Variants in HACD4 observed in about 807,000 individuals in gnomAD.
HACD4 encodes very-long-chain (3R)-3-hydroxyacyl-CoA dehydratase 4.
Under a neutral mutation model 33.3 loss-of-function variants are expected in HACD4, and 35 were observed. The ratio of observed to expected loss-of-function variants is 1.05; its 90% confidence interval spans 0.80 to 1.39. The LOEUF (loss-of-function observed/expected upper bound fraction) is 1.39. Among genes scored for constraint, HACD4 ranks in the 40% most tolerant of loss-of-function variants. The pLI is 0.00. For synonymous variants in HACD4, 118 were observed against 98.0 expected (o/e 1.20, Z -1.21); for missense variants, 323 against 276.5 (o/e 1.17, Z -1.19).
At chr9:21,021,955 C>T (rs1817925466) in intron 3 of HACD4, among the ~76,000 whole-genome samples, 1 of 152,150 alleles carries the variant, frequency 6.6e-6, no homozygotes, top group South Asian at 2.1e-4. Flanking sequence ...AAGCTAGAGG[C>T]ATCACGCTAC....
chr9:21,025,843 T>A (rs925452162), intron 3 of HACD4, among the ~76,000 whole-genome samples: 2 of 152,188 alleles, frequency 1.3e-5, no homozygotes, highest in African/African-American at 4.8e-5. Context: ...CTTAACTAAG[T>A]GCCAGGAACT....
chr9:21,003,883 A>T lies in HACD4; in HGVS notation c.*3154T>A, dbSNP rs571285896. 1 of 152,324 alleles carries T rather than the reference A, an allele frequency of 6.6e-6. No individual in the cohort carries two copies. The highest frequency in any genetic ancestry group is 6.5e-5 in the Admixed American group (1 of 15,298). 9.4% of individuals were successfully genotyped at this position (152,324 alleles called of 1,614,324 possible). ...ATCCAAAACATGAATTTTCCTTTTT[A>T]AAAAGTACTTAGTATATTTTTATAC... On this transcript the variant is annotated 3_prime_UTR_variant, in exon 7 of 7. Coordinates refer to ENST00000495827, the MANE Select transcript of HACD4 (RefSeq NM_001010915.5).
chr9:21,006,397 G>C lies in HACD4; in HGVS notation c.*640C>G, dbSNP rs1842269623. On this transcript the variant is annotated 3_prime_UTR_variant, in exon 7 of 7. Coordinates refer to ENST00000495827, the MANE Select transcript of HACD4 (RefSeq NM_001010915.5). This position sits in a 1 kb window ranked among gnomAD's most constrained non-coding sequence, Gnocchi z 4.6. The stretch of plus-strand genomic sequence containing the variant: ...CTGCATTAGCTGATGCCTTGATCCT[G>C]AGCGGAATTCCCAGCCTCCAGAACT... The C allele has an allele frequency of 6.5e-6, 1 of 153,016 alleles. No individual in the cohort carries two copies. Among genetic ancestry groups the C allele is most frequent in the Non-Finnish European group, 1.5e-5 (1 of 68,754 alleles). 9.5% of individuals were successfully genotyped at this position (153,016 alleles called of 1,614,324 possible).
At chr9:21,031,427 C>T (rs1314408880) in intron 1 of HACD4, 126 bp downstream of exon 1, 10 of 1,326,402 alleles carry the variant, frequency 7.5e-6, no homozygotes, top group Non-Finnish European at 9.6e-6. Flanking sequence ...GGTGCCTGGG[C>T]ACGGTAGCGC....
At chr9:21,010,090 T>C (rs1023894658) in intron 5 of HACD4, among the ~76,000 whole-genome samples, 1 of 152,218 alleles carries the variant, frequency 6.6e-6, no homozygotes, top group Non-Finnish European at 1.5e-5. Flanking sequence ...CTGGCTTTTA[T>C]ATACTTTGGT....
Position 21,012,882 on chromosome 9 carries a change from C to T in HACD4, c.384-1187G>A, listed in dbSNP as rs558547141. On this transcript the variant is annotated intron_variant, in intron 4 of 6. Coordinates refer to ENST00000495827, the MANE Select transcript of HACD4 (RefSeq NM_001010915.5). ...AGGGGTTCAAGACCAGCCTGGCCAACGTGGCGAAACCCCATCTACACTAAA... is the reference window on the plus strand; with the variant it reads ...AGGGGTTCAAGACCAGCCTGGCCAATGTGGCGAAACCCCATCTACACTAAA... Among the ~76,000 whole-genome samples the T allele has an allele frequency of 3.9e-4, 60 of 152,196 alleles. 1 individual carries two copies. The East Asian group carries it at 8.3e-3, about 21-fold the overall frequency.
chr9:21,029,083 T>C (rs1818137791), intron 2 of HACD4, among the ~76,000 whole-genome samples: 1 of 152,214 alleles, frequency 6.6e-6, no homozygotes, highest in South Asian at 2.1e-4. Flanking sequence ...TGAGGCAAAC[T>C]GCCAACTCAG....
chr9:21,029,586 A>G (rs1818154553), intron 1 of HACD4, among the ~76,000 whole-genome samples, 188 bp from the exon 2 acceptor site: 1 of 152,234 alleles, frequency 6.6e-6, no homozygotes, highest in African/African-American at 2.4e-5. Context: ...ACTACCCGCT[A>G]AAGTAAATAC....
At chr9:21,028,193 T>C (rs960570929) in intron 2 of HACD4, among the ~76,000 whole-genome samples, 1 of 136,920 alleles carries the variant, frequency 7.3e-6, no homozygotes, top group African/African-American at 2.7e-5. Flanking sequence ...GAAAAAGAAA[T>C]ACTTGATGAC....
At chr9:21,007,932 G>T in intron 6 of HACD4, 89 bp downstream of exon 6, 1 of 1,230,684 alleles carries the variant, frequency 8.1e-7, no homozygotes, top group Non-Finnish European at 1.1e-6. Context: ...TCTCTCCCAT[G>T]TTTACCAACC....
In HACD4 at chr9:21,004,449, A is replaced by T. The variant is rs1015651058; in HGVS notation, c.*2588T>A. On this transcript the variant is annotated 3_prime_UTR_variant, in exon 7 of 7. Coordinates refer to ENST00000495827, the MANE Select transcript of HACD4 (RefSeq NM_001010915.5). This position sits in a 1 kb window ranked among gnomAD's most constrained non-coding sequence, Gnocchi z 4.6. ...TTCACATGTTGAAAATCTAATCTCC[A>T]GTGTGATGGCATTTGAAGCTGGAAC... is the stretch of plus-strand genomic sequence containing the variant. 1.2e-4 allele frequency: 18 copies of T among 152,232 alleles called. No individual in the cohort carries two copies. Among genetic ancestry groups the T allele is most frequent in the African/African-American group, 4.1e-4 (17 of 41,460 alleles). The allele number at this position is 152,232 out of a possible 1,614,324, so 9.4% of individuals were successfully genotyped here. A position where few individuals can be genotyped will look rare whatever the true frequency, so the allele number is the denominator to read the frequency against.
intron 3 of HACD4, among the ~76,000 whole-genome samples, chr9:21,016,403 A>C (rs1842556884): frequency 6.6e-6 from 1 of 152,236 alleles, no homozygotes. Context: ...AACAATAGCC[A>C]GCACAGTGTG....
At chr9:21,019,860 G>T (rs1344639970) in intron 3 of HACD4, among the ~76,000 whole-genome samples, 4 of 95,480 alleles carry the variant, frequency 4.2e-5, no homozygotes, top group African/African-American at 9.6e-5. Flanking sequence ...GATTTTAATG[G>T]AAAGTCAGAT....
intron 4 of HACD4, among the ~76,000 whole-genome samples, chr9:21,012,825 G>A (rs766907386): frequency 6.6e-6 from 1 of 152,090 alleles, no homozygotes; most frequent in East Asian, 1.9e-4. Flanking sequence ...CCAGCACTTT[G>A]GGAGGCCAAG....
chr9:21,002,994 A>G lies in HACD4; in HGVS notation c.*4043T>C, dbSNP rs1264221971. On this transcript the variant is annotated 3_prime_UTR_variant, in exon 7 of 7. Coordinates refer to ENST00000495827, the MANE Select transcript of HACD4 (RefSeq NM_001010915.5). ...CTGGGGAACATGTACTTAAGTAGAA[A>G]AAGAAATTACACCTTTATTTTCACT... The G allele has an allele frequency of 3.3e-5, 5 of 152,290 alleles. No individual in the cohort carries two copies. In the South Asian group the frequency reaches 6.2e-4, roughly 19 times the overall value. 9.4% of individuals were successfully genotyped at this position (152,290 alleles called of 1,614,324 possible).
chr9:21,022,695 A>C (rs10964796), intron 3 of HACD4, among the ~76,000 whole-genome samples: 3 of 147,822 alleles, frequency 2.0e-5, no homozygotes, highest in African/African-American at 7.4e-5. Context: ...TTAGAATGGC[A>C]ATCATTAAAA....
At chr9:21,028,252 T>C (rs571985789) in intron 2 of HACD4, among the ~76,000 whole-genome samples, 1 of 152,108 alleles carries the variant, frequency 6.6e-6, no homozygotes, top group Non-Finnish European at 1.5e-5. Context: ...AGCCAGTCCA[T>C]GGCTTGTGTT....
chr9:21,026,510 T>C, intron 3 of HACD4, 86 bp downstream of exon 3: 2 of 1,130,626 alleles, frequency 1.8e-6, no homozygotes, highest in Non-Finnish European at 2.5e-6. Flanking sequence ...GTTGGCTTTC[T>C]AACTGCCATA....
intron 5 of HACD4, among the ~76,000 whole-genome samples, chr9:21,011,037 A>T (rs181309960): frequency 5.4e-4 from 82 of 152,286 alleles, no homozygotes; most frequent in Non-Finnish European, 1.8e-4. Flanking sequence ...TTAATGGGCC[A>T]CAGACTGGGA....
Sources: allele counts gnomAD v4.1 joint callset (sites outside exome capture counted in the v4.1 genomes callset), GRCh38; gene constraint gnomAD v4.1.1; non-coding constraint Gnocchi (gnomAD v3.1); transcripts MANE v1.5; gene names NCBI Gene and HGNC (gene_info 2026-07-23, HGNC 2026-07-21).